PCDH15: variants seen among roughly 807,000 people sequenced by gnomAD.
PCDH15 encodes the protein protocadherin related 15, also known as protocadherin-15.
In PCDH15, 129 loss-of-function variants were observed where a neutral mutation model predicts 178.5. The ratio of observed to expected loss-of-function variants is 0.72; its 90% CI spans 0.63 to 0.84. The LOEUF (loss-of-function observed/expected upper bound fraction) is 0.84, where lower values mean the gene tolerates loss of function less well. PCDH15 is among the 40% of genes least tolerant of loss of function. PCDH15 has a pLI of 0.00. For synonymous variants in PCDH15, 800 were observed against 732.0 expected (o/e 1.09, Z -1.50); for missense variants, 2,230 against 2,099.9 (o/e 1.06, Z -1.21).
chr10:54,443,328 A>C (rs532474283), intron 3 of PCDH15, among the ~76,000 whole-genome samples: 6 of 151,554 alleles, frequency 4.0e-5, no homozygotes, highest in African/African-American at 9.7e-5. Context: ...CTCTAAGATG[A>C]GTTCATACTC....
At chr10:54,046,317 G>A (rs2093654611) in intron 18 of PCDH15, among the ~76,000 whole-genome samples, 1 of 152,142 alleles carries the variant, frequency 6.6e-6, no homozygotes, top group Non-Finnish European at 1.5e-5. Context: ...TCAGGCACAT[G>A]AGCGCCAGGA....
At chr10:54,819,765 T>C (rs1953006585) in intron 3 of PCDH15, among the ~76,000 whole-genome samples, 1 of 152,062 alleles carries the variant, frequency 6.6e-6, no homozygotes, top group East Asian at 1.9e-4. Flanking sequence ...ATGTCTTGTA[T>C]GTGCCTTTGG....
chr10:54,823,824 AT>A (rs1475858636), intron 3 of PCDH15, among the ~76,000 whole-genome samples: 19 of 152,172 alleles, frequency 1.2e-4, no homozygotes, highest in African/African-American at 4.3e-4. Flanking sequence ...ACTAAAAATA[AT>A]TGTTCTTGAA....
intron 2 of PCDH15, among the ~76,000 whole-genome samples, chr10:54,563,660 T>G (rs1023626957): frequency 1.3e-5 from 2 of 152,114 alleles, no homozygotes; most frequent in Non-Finnish European, 2.9e-5. Context: ...AACAATATCT[T>G]TTAAAGGACA....
At chr10:54,337,567 C>T (rs181694753) in intron 6 of PCDH15, among the ~76,000 whole-genome samples, 1 of 152,244 alleles carries the variant, frequency 6.6e-6, no homozygotes, top group Admixed American at 6.5e-5. Flanking sequence ...ACTAACACAA[C>T]AATAAAGCAA....
upstream of PCDH15, among the ~76,000 whole-genome samples, chr10:55,323,217 G>T (rs374744470): frequency 3.3e-5 from 5 of 152,206 alleles, no homozygotes; most frequent in East Asian, 5.8e-4. Flanking sequence ...ATGCTTGTAT[G>T]TCCAGGCTGA....
rs1057189466 is a variant in PCDH15, at chr10:54,622,669, T to A, written c.91+41503A>T. Among the ~76,000 whole-genome samples the A allele has an allele frequency of 2.2e-3, 215 of 98,256 alleles. 3 individuals carry two copies. The highest frequency in any genetic ancestry group is 2.9e-3 in the Non-Finnish European group (155 of 53,488). 64.5% of individuals were successfully genotyped at this position (98,256 alleles called of 152,430 possible). A position where few individuals can be genotyped will look rare whatever the true frequency, so the allele number is the denominator to read the frequency against. ...TATATATATACTATATAATATATAT[T>A]ATATATAATATATATTATATAATAT... On this transcript the variant is annotated intron_variant, in intron 2 of 37. Coordinates refer to ENST00000644397, the MANE Select transcript of PCDH15 (RefSeq NM_001384140.1).
intron 1 of PCDH15, among the ~76,000 whole-genome samples, chr10:55,282,449 G>C (rs1446789116): frequency 6.6e-6 from 1 of 152,046 alleles, no homozygotes; most frequent in African/African-American, 2.4e-5. Flanking sequence ...TCAAATTTAA[G>C]CACTATTCAC....
At chr10:54,460,989 G>T (rs908195028) in intron 3 of PCDH15, among the ~76,000 whole-genome samples, 6 of 151,960 alleles carry the variant, frequency 3.9e-5, no homozygotes, top group African/African-American at 1.5e-4. Context: ...GATACAAAGT[G>T]CCTAAAGGAT....
At chr10:54,622,914 ATTCT>A (rs1458051806) in intron 2 of PCDH15, among the ~76,000 whole-genome samples, 1 of 147,612 alleles carries the variant, frequency 6.8e-6, no homozygotes, top group Non-Finnish European at 1.5e-5. Flanking sequence ...TTCAAAGCAG[ATTCT>A]TTATTTTCAT....
chr10:55,180,273 C>T (rs1223692889), intron 1 of PCDH15, among the ~76,000 whole-genome samples: 1 of 152,060 alleles, frequency 6.6e-6, no homozygotes, highest in Non-Finnish European at 1.5e-5. Flanking sequence ...TGTAGGCTGG[C>T]TCCAGTTGTA....
At chr10:55,584,090 T>C (rs1305608342) in intron 2 of PCDH15, among the ~76,000 whole-genome samples, 1 of 151,940 alleles carries the variant, frequency 6.6e-6, no homozygotes, top group Non-Finnish European at 1.5e-5. Context: ...CACTATATTG[T>C]CCAAGCTGGA....
rs1840246415 is a variant in PCDH15, at chr10:55,201,458, AC to A, written c.-155-34808del. On this transcript the variant is annotated intron_variant, in intron 1 of 5. Coordinates refer to the PCDH15 transcript ENST00000458638. ...ATTGCTAATGATTTATTATATAAGC[AC>A]CTTAAATTATGTCAATTGCATCATT... is the stretch of plus-strand genomic sequence containing the variant. 2.6e-5 allele frequency among the ~76,000 whole-genome samples: 4 copies of A among 152,286 alleles called. No homozygotes were observed. In the South Asian group the frequency reaches 8.3e-4, roughly 32 times the overall value.
At chr10:54,908,879 T>C (rs1393813459) in intron 2 of PCDH15, among the ~76,000 whole-genome samples, 9 of 152,028 alleles carry the variant, frequency 5.9e-5, no homozygotes, top group African/African-American at 2.2e-4. Context: ...AGCTCCTCCC[T>C]GTTAGGCAGG....
chr10:54,606,360 T>C (rs1469389638), intron 2 of PCDH15: 1 of 152,076 alleles, frequency 6.6e-6, no homozygotes, highest in African/African-American at 2.4e-5. Context: ...TGGATGAGAA[T>C]ACAAAGAAAG....
intron 13 of PCDH15, among the ~76,000 whole-genome samples, chr10:54,165,723 A>G (rs899917096): frequency 1.3e-5 from 2 of 152,196 alleles, no homozygotes; most frequent in Non-Finnish European, 2.9e-5. Flanking sequence ...TCTTCAAGAA[A>G]TCTCACGTTG....
At chr10:55,163,598 G>A (rs1385561426) in intron 2 of PCDH15, among the ~76,000 whole-genome samples, 2 of 152,126 alleles carry the variant, frequency 1.3e-5, no homozygotes, top group East Asian at 1.9e-4. Context: ...AAACCCAGCT[G>A]TTAAAACAGA....
chr10:55,596,113 A>G (rs1168978678), intron 2 of PCDH15, among the ~76,000 whole-genome samples: 1 of 152,054 alleles, frequency 6.6e-6, no homozygotes, highest in Admixed American at 6.6e-5. Context: ...CATGGTTGTG[A>G]TTAGTACATG....
chr10:55,211,057 C>G lies in PCDH15; in HGVS notation c.-155-44406G>C, dbSNP rs953547230. Among the ~76,000 whole-genome samples the G allele has an allele frequency of 1.3e-4, 19 of 151,896 alleles. 1 individual carries two copies. The highest frequency in any genetic ancestry group is 4.1e-4 in the African/African-American group (17 of 41,276). ...TTTTTAAGAAGATTCCTCAGGGCAG[C>G]TTGAATGGAGGGAACAGAGACTAGC... is the stretch of plus-strand genomic sequence containing the variant. On this transcript the variant is annotated intron_variant, in intron 1 of 5. Coordinates refer to the PCDH15 transcript ENST00000458638.
Sources: allele counts gnomAD v4.1 joint callset (sites outside exome capture counted in the v4.1 genomes callset), GRCh38; gene constraint gnomAD v4.1.1; transcripts MANE v1.5; gene names NCBI Gene and HGNC (gene_info 2026-07-23, HGNC 2026-07-21).